Variants in VAV3 observed in about 807,000 individuals in gnomAD.
VAV3 encodes guanine nucleotide exchange factor VAV3.
In VAV3, 94 loss-of-function variants were observed where a neutral mutation model predicts 131.2. The observed-to-expected ratio is 0.72, with a 90% CI of 0.61 to 0.85. VAV3 has a LOEUF of 0.85. Among genes scored for constraint, VAV3 ranks in the 40% least tolerant of loss-of-function variants. VAV3 has a pLI of 0.00. For missense variants in VAV3, 939 were observed against 1,002.7 expected (o/e 0.94, Z 0.86); for synonymous variants, 349 against 342.0 (o/e 1.02, Z -0.22).
intron 20 of VAV3, among the ~76,000 whole-genome samples, chr1:107,625,211 C>G (rs4244131): frequency 0.38 from 57,881 of 151,558 alleles, 11,537 homozygotes; most frequent in East Asian, 0.47. Context: ...AACATTTGAT[C>G]CACAAATTCT....
At chr1:107,777,338 T>C (rs1665419117) in intron 3 of VAV3, 42 bp from the exon 4 acceptor site, 2 of 1,570,930 alleles carry the variant, frequency 1.3e-6, no homozygotes, top group Non-Finnish European at 8.7e-7. Flanking sequence ...AACAAACCCA[T>C]GAGTGAACGA....
At chr1:107,635,597 G>A (rs529497842) in intron 20 of VAV3, among the ~76,000 whole-genome samples, 3 of 152,144 alleles carry the variant, frequency 2.0e-5, no homozygotes, top group Admixed American at 1.3e-4. Flanking sequence ...TTGTGCACAC[G>A]TACCCTAAAA....
chr1:107,842,171 C>T (rs1019259122), intron 2 of VAV3, among the ~76,000 whole-genome samples: 1 of 152,176 alleles, frequency 6.6e-6, no homozygotes, highest in Non-Finnish European at 1.5e-5. Context: ...CTACCTAGTA[C>T]CTCCCTCTTC....
At chr1:107,903,733 T>A (rs965411684) in intron 1 of VAV3, among the ~76,000 whole-genome samples, 1 of 152,186 alleles carries the variant, frequency 6.6e-6, no homozygotes, top group Admixed American at 6.5e-5. Context: ...ATTCCTATCT[T>A]AACATTCCCC....
chr1:107,761,025 A>C (rs1570911868), intron 9 of VAV3, 146 bp from the exon 10 acceptor site: 5 of 510,908 alleles, frequency 9.8e-6, no homozygotes, highest in Non-Finnish European at 1.8e-5. Context: ...AAGTATCTTC[A>C]ATTTAAAAAA....
At chr1:107,731,703 TC>T (rs1216113478) in intron 15 of VAV3, among the ~76,000 whole-genome samples, 4 of 152,120 alleles carry the variant, frequency 2.6e-5, no homozygotes, top group Admixed American at 6.5e-5. Flanking sequence ...AGGCAGTCCG[TC>T]CCTCATCACA....
At chr1:107,927,414 A>G (rs1673206496) in intron 1 of VAV3, among the ~76,000 whole-genome samples, 1 of 152,128 alleles carries the variant, frequency 6.6e-6, no homozygotes, top group African/African-American at 2.4e-5. Flanking sequence ...TGAAAAAAGA[A>G]GAGGAAATAG....
intron 19 of VAV3, among the ~76,000 whole-genome samples, chr1:107,663,814 T>G (rs1279657270): frequency 6.6e-6 from 1 of 152,192 alleles, no homozygotes; most frequent in African/African-American, 2.4e-5. Context: ...CTCTAAGTGG[T>G]TGATATTAGA....
At chr1:107,663,645 G>T (rs1160099447) in intron 19 of VAV3, among the ~76,000 whole-genome samples, 1 of 152,170 alleles carries the variant, frequency 6.6e-6, no homozygotes, top group Non-Finnish European at 1.5e-5. Context: ...TTTGCAAAAT[G>T]AAGCATTTGG....
intron 1 of VAV3, among the ~76,000 whole-genome samples, chr1:107,955,025 A>G (rs1674740462): frequency 6.6e-6 from 1 of 152,220 alleles, no homozygotes; most frequent in South Asian, 2.1e-4. Context: ...ACTGCCTTGT[A>G]TGTTTCCACA....
intron 20 of VAV3, among the ~76,000 whole-genome samples, chr1:107,635,221 A>C (rs1479239681): frequency 2.0e-5 from 3 of 152,188 alleles, no homozygotes; most frequent in Non-Finnish European, 4.4e-5. Flanking sequence ...GAACCAACCC[A>C]AATGTCCAAC....
intron 2 of VAV3, among the ~76,000 whole-genome samples, chr1:107,795,383 CT>C (rs2102283861): frequency 6.6e-6 from 1 of 152,300 alleles, no homozygotes; most frequent in East Asian, 1.9e-4. Context: ...CAATGAAATT[CT>C]TTGGACAGAA....
At chr1:107,956,045 G>C (rs939570240) in intron 1 of VAV3, among the ~76,000 whole-genome samples, 7 of 152,258 alleles carry the variant, frequency 4.6e-5, no homozygotes, top group Non-Finnish European at 1.0e-4. Context: ...AGTGAGAACT[G>C]ATGATGCAGA....
chr1:107,939,753 TC>T (rs1673896206), intron 1 of VAV3, among the ~76,000 whole-genome samples: 1 of 152,042 alleles, frequency 6.6e-6, no homozygotes, highest in Admixed American at 6.5e-5. Flanking sequence ...GGTGAAGTGA[TC>T]CTGAGGAGCA....
At position 107,911,398 on chromosome 1, in the gene VAV3, G is replaced by A. The variant is rs189665256; in HGVS notation, c.205-36381C>T. On this transcript the variant is annotated intron_variant, in intron 1 of 26. Transcript: ENST00000370056. ...CACAGGAGAAAAATTCAAAATGATA[G>A]TAGGTCACCCATGTAGTGATGCCTA... is the stretch of plus-strand genomic sequence containing the variant. Among the ~76,000 whole-genome samples the A allele has an allele frequency of 1.7e-3, 266 of 152,258 alleles. 1 individual carries two copies. Among genetic ancestry groups the A allele is most frequent in the Non-Finnish European group, 2.0e-3 (139 of 68,028 alleles).
chr1:107,739,573 CA>C (rs1310514072), intron 15 of VAV3, among the ~76,000 whole-genome samples: 1 of 152,164 alleles, frequency 6.6e-6, no homozygotes, highest in Non-Finnish European at 1.5e-5. Context: ...CACCCATAAA[CA>C]AATTCTTCAC....
At chr1:107,626,560 T>C (rs1202853744) in intron 20 of VAV3, among the ~76,000 whole-genome samples, 1 of 152,210 alleles carries the variant, frequency 6.6e-6, no homozygotes. Flanking sequence ...CCTTGGCTTC[T>C]ACTGATTTTA....
intron 2 of VAV3, among the ~76,000 whole-genome samples, chr1:107,799,073 C>A (rs893901976): frequency 6.6e-6 from 1 of 151,998 alleles, no homozygotes; most frequent in African/African-American, 2.4e-5. Flanking sequence ...AAATGAGAGA[C>A]CCAAAAATTC....
At chr1:107,664,201 C>A (rs2101638804) in intron 19 of VAV3, among the ~76,000 whole-genome samples, 1 of 152,190 alleles carries the variant, frequency 6.6e-6, no homozygotes, top group East Asian at 1.9e-4. Context: ...TTTTCTTCAA[C>A]TTTTAAGTTC....
Sources: allele counts gnomAD v4.1 joint callset (sites outside exome capture counted in the v4.1 genomes callset), GRCh38; gene constraint gnomAD v4.1.1; transcripts MANE v1.5; gene names NCBI Gene and HGNC (gene_info 2026-07-23, HGNC 2026-07-21).